Variants in PCDH11Y observed in about 807,000 individuals in gnomAD.
The protein encoded by PCDH11Y is protocadherin 11 Y-linked, also known as protocadherin-11 Y-linked.
For synonymous variants in PCDH11Y, 9 were observed against 83.6 expected (o/e 0.11, Z 4.87); for missense variants, 12 against 224.8 (o/e 0.05, Z 6.05).
At chrY:5,028,986 C>T in intron 1 of PCDH11Y, among the ~76,000 whole-genome samples, 2 of 32,286 alleles carry the variant, frequency 6.2e-5, no homozygotes, top group African/African-American at 1.2e-4. Context: ...TGGCCAAATT[C>T]ATAGAGGTAT....
chrY:5,656,135 A>T, intron 4 of PCDH11Y, among the ~76,000 whole-genome samples: 2 of 32,080 alleles, frequency 6.2e-5, no homozygotes, highest in Non-Finnish European at 1.5e-4. Flanking sequence ...ATAATAACTC[A>T]TTGTAATTTT....
intron 4 of PCDH11Y, among the ~76,000 whole-genome samples, chrY:5,670,631 A>G: frequency 3.1e-5 from 1 of 32,139 alleles, no homozygotes; most frequent in East Asian, 8.2e-4. Context: ...TTTTTTGCTC[A>G]GATTATTAAT....
chrY:5,231,168 T>G, intron 2 of PCDH11Y, among the ~76,000 whole-genome samples: 1 of 32,316 alleles, frequency 3.1e-5, no homozygotes, highest in Non-Finnish European at 7.5e-5. Context: ...GTGAGTTCAT[T>G]TGGTGAGGTC....
intron 4 of PCDH11Y, among the ~76,000 whole-genome samples, chrY:5,621,054 G>A: frequency 6.2e-5 from 2 of 32,438 alleles, no homozygotes; most frequent in Non-Finnish European, 1.5e-4. Flanking sequence ...GGGCAATCAG[G>A]CAAGAGAAAG....
intron 4 of PCDH11Y, among the ~76,000 whole-genome samples, chrY:5,662,913 C>T (rs2053542074): frequency 3.3e-5 from 1 of 30,730 alleles, no homozygotes; most frequent in Admixed American, 3.0e-4. Flanking sequence ...GGCTTGAATC[C>T]GGGAGGTGGA....
intron 4 of PCDH11Y, among the ~76,000 whole-genome samples, chrY:5,729,697 G>A (rs2053601807): frequency 3.0e-5 from 1 of 32,970 alleles, no homozygotes; most frequent in Non-Finnish European, 7.5e-5. Flanking sequence ...CTTTGCAAAG[G>A]CTAATGTCCA....
At chrY:5,374,133 A>G in intron 2 of PCDH11Y, among the ~76,000 whole-genome samples, 3 of 31,727 alleles carry the variant, frequency 9.5e-5, no homozygotes, top group Non-Finnish European at 1.5e-4. Flanking sequence ...GCAGATGTGT[A>G]CTTTTCCCAA....
intron 2 of PCDH11Y, among the ~76,000 whole-genome samples, chrY:5,240,237 A>G: frequency 3.0e-5 from 1 of 33,380 alleles, no homozygotes; most frequent in Admixed American, 2.7e-4. Flanking sequence ...TCCACTTGTA[A>G]GTCTAGTTCT....
chrY:5,511,734 T>C (rs2053365280), intron 3 of PCDH11Y, among the ~76,000 whole-genome samples: 1 of 33,059 alleles, frequency 3.0e-5, no homozygotes, highest in Non-Finnish European at 7.4e-5. Flanking sequence ...GCAATACTAT[T>C]TTTTGCAGAA....
At chrY:5,177,804 G>C in intron 2 of PCDH11Y, among the ~76,000 whole-genome samples, 1 of 32,143 alleles carries the variant, frequency 3.1e-5, no homozygotes, top group Non-Finnish European at 7.6e-5. Flanking sequence ...AACACAATAG[G>C]GTGACTATAG....
chrY:5,252,106 T>C, intron 2 of PCDH11Y, among the ~76,000 whole-genome samples: 1 of 32,391 alleles, frequency 3.1e-5, no homozygotes, highest in Non-Finnish European at 7.6e-5. Flanking sequence ...TTACATCTTA[T>C]ATATAGCATA....
chrY:5,519,859 C>G (rs1244545404), intron 3 of PCDH11Y, among the ~76,000 whole-genome samples: 2 of 24,081 alleles, frequency 8.3e-5, no homozygotes, highest in Non-Finnish European at 1.9e-4. Flanking sequence ...TTTCTATCCT[C>G]TAATATTTTC....
intron 2 of PCDH11Y, chrY:5,207,129 G>C: frequency 7.1e-6 from 1 of 141,033 alleles, no homozygotes; most frequent in Non-Finnish European, 1.3e-5. Context: ...TTGCGTCCCA[G>C]ACATACAACA....
chrY:5,095,687 T>C, intron 1 of PCDH11Y, among the ~76,000 whole-genome samples: 1 of 32,386 alleles, frequency 3.1e-5, no homozygotes, highest in Non-Finnish European at 7.6e-5. Flanking sequence ...AATGTTGTCA[T>C]GAAATTCTAT....
chrY:5,108,073 A>G, downstream of PCDH11Y, among the ~76,000 whole-genome samples: 1 of 25,597 alleles, frequency 3.9e-5, no homozygotes, highest in South Asian at 7.4e-4. Context: ...AAAAAAAAAA[A>G]ACAAAAAAAA....
chrY:5,345,484 A>G (rs2053150930), intron 2 of PCDH11Y, among the ~76,000 whole-genome samples: 1 of 32,832 alleles, frequency 3.0e-5, no homozygotes, highest in East Asian at 7.9e-4. Flanking sequence ...TGGTTTAGGC[A>G]ATTATTAAAT....
At chrY:5,587,175 G>T (rs1602947030) in intron 4 of PCDH11Y, among the ~76,000 whole-genome samples, 88 of 31,464 alleles carry the variant, frequency 2.8e-3, no homozygotes, top group African/African-American at 5.3e-3. Context: ...TTTAATTTCT[G>T]CATTAACATA....
At chrY:5,107,371 T>C, downstream of PCDH11Y, among the ~76,000 whole-genome samples, 1 of 33,439 alleles carries the variant, frequency 3.0e-5, no homozygotes, top group Non-Finnish European at 7.4e-5. Flanking sequence ...AAGCCAATGA[T>C]AGTATAGAGA....
intron 2 of PCDH11Y, among the ~76,000 whole-genome samples, chrY:5,500,648 T>G (rs2053351942): frequency 3.0e-5 from 1 of 33,879 alleles, no homozygotes; most frequent in Non-Finnish European, 7.3e-5. Flanking sequence ...CACTAGCAAC[T>G]TACAGATACA....
Sources: gnomAD v4.1 joint callset for allele counts (sites outside exome capture counted in the v4.1 genomes callset) on GRCh38, gnomAD v4.1.1 for gene constraint, MANE v1.5 for transcripts, NCBI Gene and HGNC (gene_info 2026-07-23, HGNC 2026-07-21) for gene names.